ASTN2: variants seen among roughly 807,000 people sequenced by gnomAD.
ASTN2 encodes astrotactin-2.
A neutral mutation model predicts 139.8 loss-of-function variants in ASTN2; 54 were observed. The ratio of observed to expected loss-of-function variants is 0.39; its 90% CI spans 0.31 to 0.48. The LOEUF (loss-of-function observed/expected upper bound fraction) is 0.48. Ranked by LOEUF, ASTN2 falls within the 20% of genes least tolerant of loss-of-function variation. The pLI, the probability that ASTN2 is intolerant of heterozygous loss-of-function variation, is 0.95. For synonymous variants in ASTN2, 756 were observed against 719.5 expected (o/e 1.05, Z -0.81); for missense variants, 1,565 against 1,725.1 (o/e 0.91, Z 1.64).
At chr9:116,784,575 G>C (rs1191457894) in intron 13 of ASTN2, among the ~76,000 whole-genome samples, 1 of 152,110 alleles carries the variant, frequency 6.6e-6, no homozygotes, top group Non-Finnish European at 1.5e-5. Flanking sequence ...CCCCACCTTT[G>C]AGTCCCTCAG....
chr9:117,158,579 C>T (rs188336617), intron 3 of ASTN2, among the ~76,000 whole-genome samples: 36 of 152,056 alleles, frequency 2.4e-4, no homozygotes, highest in Non-Finnish European at 4.6e-4. Flanking sequence ...AATGTCATGG[C>T]ATGAATAAAT....
intron 1 of ASTN2, among the ~76,000 whole-genome samples, chr9:117,397,104 G>T (rs1830698175): frequency 6.6e-6 from 1 of 151,840 alleles, no homozygotes; most frequent in Non-Finnish European, 1.5e-5. Context: ...ACCATGCCTG[G>T]CTAATTTTTT....
At chr9:117,355,290 C>T (rs1829507967) in intron 1 of ASTN2, among the ~76,000 whole-genome samples, 4 of 152,174 alleles carry the variant, frequency 2.6e-5, no homozygotes, top group African/African-American at 9.7e-5. Flanking sequence ...AAAAATGATT[C>T]AAACCCATAT....
intron 20 of ASTN2, among the ~76,000 whole-genome samples, chr9:116,461,913 G>C (rs1388782226): frequency 6.6e-6 from 1 of 152,120 alleles, no homozygotes. Flanking sequence ...TAGAACTATT[G>C]ATCACACAAC....
At chr9:117,301,664 C>G (rs1256500431) in intron 1 of ASTN2, among the ~76,000 whole-genome samples, 1 of 152,124 alleles carries the variant, frequency 6.6e-6, no homozygotes. Flanking sequence ...ATGATAAGTA[C>G]CAGGGCAGTA....
chr9:117,279,462 G>T (rs1037213154), intron 2 of ASTN2, among the ~76,000 whole-genome samples: 6 of 152,136 alleles, frequency 3.9e-5, no homozygotes, highest in Non-Finnish European at 2.9e-5. Flanking sequence ...ACTTTTAACT[G>T]TAGAAACTAT....
chr9:117,067,394 G>C (rs1468100307), intron 5 of ASTN2, among the ~76,000 whole-genome samples: 120 of 121,894 alleles, frequency 9.8e-4, no homozygotes, highest in African/African-American at 3.3e-3. Flanking sequence ...GTACCATGCT[G>C]TTTTGGTTAC....
chr9:116,525,878 T>C (rs1480370872), intron 19 of ASTN2, among the ~76,000 whole-genome samples: 2 of 152,170 alleles, frequency 1.3e-5, no homozygotes, highest in African/African-American at 4.8e-5. Flanking sequence ...ACCCACTCTC[T>C]CCACAAACCA....
chr9:117,215,097 G>T (rs562005844), intron 2 of ASTN2, among the ~76,000 whole-genome samples: 32 of 152,254 alleles, frequency 2.1e-4, no homozygotes, highest in Non-Finnish European at 1.5e-5. Flanking sequence ...GGCAGGAAGG[G>T]TCAGTGCTGC....
chr9:117,019,464 A>G lies in ASTN2; in HGVS notation c.1424-11205T>C, dbSNP rs574209149. On this transcript the variant is annotated intron_variant, in intron 6 of 22. Transcript: ENST00000313400. ...GAGAACAGCTGCCTAAATATACAAT[A>G]TTAATACCTGGGGCAATGTAATAAC... Among the ~76,000 whole-genome samples, 42 of 152,254 alleles carry G rather than the reference A, an allele frequency of 2.8e-4. No homozygotes were observed. In the Middle Eastern group the frequency reaches 0.01, roughly 37 times the overall value.
chr9:117,228,307 C>A (rs1265150729), intron 2 of ASTN2, among the ~76,000 whole-genome samples: 1 of 152,090 alleles, frequency 6.6e-6, no homozygotes, highest in East Asian at 1.9e-4. Context: ...GCAAATCTGC[C>A]AGCTTTCCAA....
intron 1 of ASTN2, among the ~76,000 whole-genome samples, chr9:117,299,246 C>G (rs941418602): frequency 6.6e-6 from 1 of 152,168 alleles, no homozygotes; most frequent in African/African-American, 2.4e-5. Flanking sequence ...GTTTTTTATA[C>G]TGACTATATT....
At chr9:117,087,990 T>C (rs1275664026) in intron 5 of ASTN2, among the ~76,000 whole-genome samples, 1 of 152,260 alleles carries the variant, frequency 6.6e-6, no homozygotes, top group Non-Finnish European at 1.5e-5. Flanking sequence ...TCACCTGTTG[T>C]TAACATTTTG....
At chr9:116,674,996 GC>G (rs1400406929) in intron 16 of ASTN2, among the ~76,000 whole-genome samples, 4 of 152,094 alleles carry the variant, frequency 2.6e-5, no homozygotes, top group Non-Finnish European at 1.5e-5. Context: ...TGATGAATCG[GC>G]TCTGTCTACG....
intron 19 of ASTN2, among the ~76,000 whole-genome samples, chr9:116,594,528 T>C (rs1387860589): frequency 1.3e-5 from 2 of 152,220 alleles, no homozygotes; most frequent in East Asian, 3.9e-4. Flanking sequence ...ACGTAGCTAA[T>C]AGTAGGTGAG....
At chr9:117,378,704 C>T (rs1466975068) in intron 1 of ASTN2, among the ~76,000 whole-genome samples, 1 of 152,340 alleles carries the variant, frequency 6.6e-6, no homozygotes, top group African/African-American at 2.4e-5. Flanking sequence ...CTTCTCCACA[C>T]TTTATCCCTC....
intron 2 of ASTN2, among the ~76,000 whole-genome samples, chr9:117,273,521 G>A (rs1004367092): frequency 6.6e-6 from 1 of 151,900 alleles, no homozygotes; most frequent in Admixed American, 6.6e-5. Context: ...GCTATTCTTG[G>A]GACATAAAAA....
At chr9:117,210,277 CA>C (rs1832076552) in intron 3 of ASTN2, among the ~76,000 whole-genome samples, 1 of 151,698 alleles carries the variant, frequency 6.6e-6, no homozygotes, top group South Asian at 2.1e-4. Flanking sequence ...AAAAGATAAA[CA>C]AAATTGATGA....
chr9:117,391,693 C>T (rs916858569), intron 1 of ASTN2, among the ~76,000 whole-genome samples: 3 of 152,130 alleles, frequency 2.0e-5, no homozygotes, highest in Non-Finnish European at 4.4e-5. Flanking sequence ...TTCATGCCTT[C>T]CCAACAGTCC....
Sources: allele counts gnomAD v4.1 joint callset (sites outside exome capture counted in the v4.1 genomes callset), GRCh38; gene constraint gnomAD v4.1.1; transcripts MANE v1.5; gene names NCBI Gene and HGNC (gene_info 2026-07-23, HGNC 2026-07-21).